Variants in ZNF664 observed in about 807,000 individuals in gnomAD.
ZNF664 encodes the protein zinc finger Organ of Corti 1.
A neutral mutation model predicts 18.2 loss-of-function variants in ZNF664; 10 were observed. The ratio of observed to expected loss-of-function variants is 0.55; its 90% CI spans 0.34 to 0.93. ZNF664 has a LOEUF of 0.93. ZNF664 is among the 40% of genes least tolerant of loss of function. The probability of loss-of-function intolerance (pLI) is 0.02; values close to 1 mark genes in which losing one functional copy is unlikely to be tolerated. For synonymous variants in ZNF664, 119 were observed against 104.2 expected (o/e 1.14, Z -0.86); for missense variants, 193 against 319.0 (o/e 0.61, Z 3.01).
Position 123,973,991 on chromosome 12 carries a change from G to A in ZNF664, c.-786G>A. 1 of 1,231,940 alleles carries A rather than the reference G, an allele frequency of 8.1e-7. No individual in the cohort carries two copies. Among genetic ancestry groups the A allele is most frequent in the Non-Finnish European group, 1.0e-6 (1 of 988,132 alleles). 76.3% of individuals were successfully genotyped at this position (1,231,940 alleles called of 1,614,324 possible). On this transcript the variant is annotated 5_prime_UTR_variant, in exon 2 of 5. It removes the in-frame stop codon of an upstream open reading frame in the 5' UTR. Transcript: ENST00000337815. ...CTGCCGCCGGACGCCTCCATTGTTT[G>A]ACCACAACAAGGGCCGGATTCTCAC... is the stretch of plus-strand genomic sequence containing the variant.
intron 1 of ZNF664, 194 bp downstream of exon 1, chr12:123,973,546 G>C (rs564752851): frequency 2.7e-6 from 1 of 364,550 alleles, no homozygotes; most frequent in African/African-American, 2.2e-5. Context: ...GCGGGTCCCG[G>C]GCTGAGAAGC....
intron 3 of ZNF664, among the ~76,000 whole-genome samples, chr12:124,001,554 AC>A (rs1159403227): frequency 6.6e-6 from 1 of 151,436 alleles, no homozygotes; most frequent in Non-Finnish European, 1.5e-5. Context: ...TCTTCTCTTC[AC>A]CCTGCAGAGG....
At chr12:123,975,755 A>G (rs1444027878) in intron 2 of ZNF664, among the ~76,000 whole-genome samples, 1 of 152,214 alleles carries the variant, frequency 6.6e-6, no homozygotes, top group Non-Finnish European at 1.5e-5. Flanking sequence ...AGGCATATAA[A>G]TTAGTTGACT....
At chr12:123,975,812 A>G (rs577376796) in intron 2 of ZNF664, among the ~76,000 whole-genome samples, 17 of 152,364 alleles carry the variant, frequency 1.1e-4, no homozygotes, top group African/African-American at 2.9e-4. Flanking sequence ...TACTCGCACT[A>G]TAATATTTAA....
At chr12:123,974,098 C>T in intron 2 of ZNF664, 78 bp downstream of exon 2, 1 of 1,089,968 alleles carries the variant, frequency 9.2e-7, no homozygotes, top group South Asian at 4.6e-5. Flanking sequence ...CAGGACTCGA[C>T]TGCAGTTTTC....
chr12:123,985,437 A>G (rs889844887), intron 2 of ZNF664, among the ~76,000 whole-genome samples: 1 of 152,224 alleles, frequency 6.6e-6, no homozygotes, highest in African/African-American at 2.4e-5. Flanking sequence ...TTGATTTACT[A>G]TTCTGACACA....
rs532205000 is a variant in ZNF664 at position 124,014,339 on chromosome 12, C to G, written c.*1409C>G. 4.8e-5 allele frequency: 8 copies of G among 166,962 alleles called. No homozygotes were observed. Among genetic ancestry groups the G allele is most frequent in the Non-Finnish European group, 1.2e-4 (8 of 68,146 alleles). The allele number at this position is 166,962 out of a possible 1,614,324, so 10.3% of individuals were successfully genotyped here. A position where few individuals can be genotyped will look rare whatever the true frequency, so the allele number is the denominator to read the frequency against. On this transcript the variant is annotated 3_prime_UTR_variant, in exon 5 of 5. Coordinates refer to ENST00000337815, the MANE Select transcript of ZNF664 (RefSeq NM_152437.3). Reference sequence around the variant, plus strand: ...TAAGGAACAGGCCAGCACTGGCATTCGCAAGCAGTGGGGAAGGGGAGAGAT... The same window carrying G: ...TAAGGAACAGGCCAGCACTGGCATTGGCAAGCAGTGGGGAAGGGGAGAGAT...
chr12:123,976,750 G>A (rs563956907), intron 2 of ZNF664, among the ~76,000 whole-genome samples: 19 of 151,582 alleles, frequency 1.3e-4, no homozygotes, highest in South Asian at 8.3e-4. Flanking sequence ...TTGACCTCAC[G>A]TTACCAGCTA....
intron 3 of ZNF664, chr12:123,997,558 C>T (rs926834615): frequency 6.6e-6 from 1 of 152,336 alleles, no homozygotes; most frequent in African/African-American, 2.4e-5. Flanking sequence ...GTCATCCCCA[C>T]GTGGCCTTTT....
At chr12:123,973,481 C>T (rs1214664509) in intron 1 of ZNF664, 129 bp downstream of exon 1, 4 of 565,208 alleles carry the variant, frequency 7.1e-6, no homozygotes, top group Non-Finnish European at 6.7e-6. Flanking sequence ...ACAACCCATC[C>T]CGGAGGATGG....
intron 3 of ZNF664, among the ~76,000 whole-genome samples, chr12:124,000,867 C>T (rs1341747991): frequency 1.3e-5 from 2 of 152,178 alleles, no homozygotes; most frequent in African/African-American, 4.8e-5. Flanking sequence ...GTCTTATTCC[C>T]TCCCCCTGTT....
chr12:123,980,965 T>A lies in ZNF664; in HGVS notation c.-757+6945T>A, dbSNP rs541847737. ...TTTGGTTAAAGCCAATGAATAAATT[T>A]GGAATTTACACTGAAAATGATTGGG... On this transcript the variant is annotated intron_variant, in intron 2 of 4. Coordinates refer to ENST00000337815, the MANE Select transcript of ZNF664 (RefSeq NM_152437.3). Among the ~76,000 whole-genome samples the A allele has an allele frequency of 7.2e-5, 11 of 152,318 alleles. No homozygotes were observed. The East Asian group carries it at 2.1e-3, about 29-fold the overall frequency.
intron 2 of ZNF664, among the ~76,000 whole-genome samples, chr12:123,977,993 G>A (rs1366014733): frequency 6.6e-6 from 1 of 152,168 alleles, no homozygotes; most frequent in Non-Finnish European, 1.5e-5. Flanking sequence ...AATCTTTTAA[G>A]TGAGGAAAAT....
intron 3 of ZNF664, among the ~76,000 whole-genome samples, chr12:124,002,723 G>A (rs1338097960): frequency 1.3e-5 from 2 of 152,254 alleles, no homozygotes; most frequent in East Asian, 3.9e-4. Flanking sequence ...GGAAGAATGA[G>A]GAAGGAACAG....
intron 3 of ZNF664, among the ~76,000 whole-genome samples, chr12:124,001,892 T>G (rs1253398801): frequency 6.6e-6 from 1 of 152,230 alleles, no homozygotes; most frequent in East Asian, 1.9e-4. Context: ...GAAGGAGTTT[T>G]AGAGATTCAC....
At chr12:124,009,226 T>G (rs964678155) in intron 3 of ZNF664, among the ~76,000 whole-genome samples, 3 of 152,240 alleles carry the variant, frequency 2.0e-5, no homozygotes, top group Admixed American at 2.0e-4. Context: ...TCTTTGCAGC[T>G]TATTTGTCAA....
chr12:123,984,754 A>G (rs1594547589), intron 2 of ZNF664, among the ~76,000 whole-genome samples: 1 of 152,242 alleles, frequency 6.6e-6, no homozygotes, highest in Non-Finnish European at 1.5e-5. Context: ...AAATAATTCT[A>G]GTAGGCAGTT....
In ZNF664 at chr12:124,002,217, G is replaced by A. The variant is rs538109277; in HGVS notation, c.-660-9164G>A. 1.3e-4 allele frequency among the ~76,000 whole-genome samples: 20 copies of A among 152,300 alleles called. No homozygotes were observed. In the East Asian group the frequency reaches 3.1e-3, roughly 24 times the overall value. On this transcript the variant is annotated intron_variant, in intron 3 of 4. Transcript: ENST00000337815. Reference sequence around the variant, plus strand: ...GGAAGAAACTGGGCAGGGGGCTCATGTGAAGGTACTGAGGGCACATGAGGC... The same window carrying A: ...GGAAGAAACTGGGCAGGGGGCTCATATGAAGGTACTGAGGGCACATGAGGC...
At chr12:124,002,613 A>AGG (rs1161461211) in intron 3 of ZNF664, among the ~76,000 whole-genome samples, 10 of 151,966 alleles carry the variant, frequency 6.6e-5, no homozygotes, top group African/African-American at 2.4e-4. Flanking sequence ...TGTTGTGGAG[A>AGG]GGAGGTAGAG....
Sources: allele counts gnomAD v4.1 joint callset (sites outside exome capture counted in the v4.1 genomes callset), GRCh38; gene constraint gnomAD v4.1.1; transcripts MANE v1.5; gene names NCBI Gene and HGNC (gene_info 2026-07-23, HGNC 2026-07-21).